AHDC1: variants seen among roughly 807,000 people sequenced by gnomAD.
The protein encoded by AHDC1 is AT-hook DNA binding motif containing 1.
Under a neutral mutation model 87.9 loss-of-function variants are expected in AHDC1, and 7 were observed. That is an observed-to-expected ratio of 0.08 (90% CI 0.05 to 0.15). The LOEUF (loss-of-function observed/expected upper bound fraction) is 0.15. AHDC1 is among the 10% of genes least tolerant of loss of function. The pLI is 1.00. For synonymous variants in AHDC1, 1,051 were observed against 1,006.8 expected (o/e 1.04, Z -0.83); for missense variants, 1,841 against 2,253.2 (o/e 0.82, Z 3.70).
chr1:27,549,196 A>C lies in AHDC1; in HGVS notation c.2920T>G (p.Tyr974Asp). ...ANTYLPQYGG[Y>D]GAGQSVFAPT... Reference sequence around the variant, plus strand: ...GCGAATACGCTTTGTCCGGCCCCATAGCCGCCGTACTGGGGCAGGTAGGTG... The same window carrying C: ...GCGAATACGCTTTGTCCGGCCCCATCGCCGCCGTACTGGGGCAGGTAGGTG... The change falls in exon 8 of 9, where the codon TAT becomes GAT. Residue 974 changes from tyrosine to aspartate, a missense_variant. Transcript: ENST00000673934. 6.3e-7 allele frequency: 1 copy of C among 1,594,656 alleles called. No individual in the cohort carries two copies. The highest frequency in any genetic ancestry group is 8.5e-7 in the Non-Finnish European group (1 of 1,170,200).
At chr1:27,580,052 T>A (rs1209455932) in intron 3 of AHDC1, among the ~76,000 whole-genome samples, 1 of 152,068 alleles carries the variant, frequency 6.6e-6, no homozygotes, top group Non-Finnish European at 1.5e-5. Flanking sequence ...CTCTCTGGGA[T>A]GGAAAGGGTG....
chr1:27,546,398 G>C (rs991383544), intron 8 of AHDC1, among the ~76,000 whole-genome samples: 2 of 152,198 alleles, frequency 1.3e-5, no homozygotes, highest in Admixed American at 1.3e-4. Flanking sequence ...TGAGGTCACA[G>C]TACCTGATAA....
chr1:27,571,980 G>A (rs1431510380), intron 3 of AHDC1, among the ~76,000 whole-genome samples: 4 of 152,072 alleles, frequency 2.6e-5, no homozygotes, highest in East Asian at 1.9e-4. Flanking sequence ...AGCCCACACC[G>A]AAATCCCTCC....
rs748078811 is a variant in AHDC1, at chr1:27,551,916, C to T, written c.200G>A (p.Arg67Gln). 6.4e-6 allele frequency: 10 copies of T among 1,566,332 alleles called. No individual in the cohort carries two copies. The highest frequency in any genetic ancestry group is 4.6e-5 in the East Asian group (2 of 43,698). Reference protein sequence around the residue: ...FSENPRPPPRRDPSTRRPPVL... With the variant: ...FSENPRPPPRQDPSTRRPPVL... Reference sequence around the variant, plus strand: ...TGGTGGGCGCCGGGTGCTGGGGTCCCGGCGTGGGGGTGGGCGTGGGTTCTC... The same window carrying T: ...TGGTGGGCGCCGGGTGCTGGGGTCCTGGCGTGGGGGTGGGCGTGGGTTCTC... The change falls in exon 8 of 9, where the codon CGG becomes CAG. Residue 67 changes from arginine to glutamine, a missense_variant. Physicochemically the swap from Arg to Gln is conservative, Grantham distance 43 (BLOSUM62 1). Transcript: ENST00000673934.
In AHDC1 at chr1:27,562,232, C is replaced by T. The variant is rs571197558; in HGVS notation, c.-628-3349G>A. Among the ~76,000 whole-genome samples, 1 of 152,022 alleles carries T rather than the reference C, an allele frequency of 6.6e-6. No individual in the cohort carries two copies. Among genetic ancestry groups the T allele is most frequent in the Non-Finnish European group, 1.5e-5 (1 of 67,960 alleles). On this transcript the variant is annotated intron_variant, in intron 3 of 8. Coordinates refer to ENST00000673934, the MANE Select transcript of AHDC1 (RefSeq NM_001371928.1). The surrounding 1 kb of genome is among the most constrained non-coding windows in gnomAD (Gnocchi z 4.4). ...GCTGGCTCGGCGGGGGCGGCCAGTG[C>T]GCCAAGCCTCCCGCCTCCTGACCCC...
rs1016291004 is a variant in AHDC1 at position 27,561,153 on chromosome 1, C to T, written c.-628-2270G>A. 1.3e-5 allele frequency among the ~76,000 whole-genome samples: 2 copies of T among 152,194 alleles called. No homozygotes were observed. The highest frequency in any genetic ancestry group is 2.4e-5 in the African/African-American group (1 of 41,440). ...TCCCAAGCCCTTGGGGAGCCCCCAC[C>T]TTTGCAGCTCCCCAGAGGCCCAGGA... On this transcript the variant is annotated intron_variant, in intron 3 of 8. Transcript: ENST00000673934. The surrounding 1 kb of genome is among the most constrained non-coding windows in gnomAD (Gnocchi z 4.2).
In AHDC1 at chr1:27,563,941, C is replaced by T. The variant is rs551316565; in HGVS notation, c.-628-5058G>A. On this transcript the variant is annotated intron_variant, in intron 3 of 8. Transcript: ENST00000673934. The surrounding 1 kb of genome is among the most constrained non-coding windows in gnomAD (Gnocchi z 6.1). ...TGGTGGAGGGAGGGCTGTCCTGAGG[C>T]GCTGTTACTATGAGACTGCTTAGAG... 1.1e-4 allele frequency among the ~76,000 whole-genome samples: 17 copies of T among 152,210 alleles called. No homozygotes were observed. The highest frequency in any genetic ancestry group is 9.2e-4 in the Admixed American group (14 of 15,296).
rs143951781 is a variant in AHDC1 at position 27,548,116 on chromosome 1, C to T, written c.4000G>A (p.Gly1334Ser). Residue 1334 changes from glycine to serine, a missense_variant, in exon 8 of 9, where the codon GGC (glycine) becomes AGC (serine). Physicochemically the swap from Gly to Ser is moderately conservative, Grantham distance 56. This residue lies in a region of AHDC1 where 505 missense variants were observed against 626.2 expected (regional missense o/e 0.81). Transcript: ENST00000673934. ...SPLPSQSRAF[G>S]VGERDPCDFI... ...TCACAGGGGTCTCGCTCTCCCACGC[C>T]GAAGGCCCTCGACTGTGAGGGCAGT... is the stretch of plus-strand genomic sequence containing the variant. 396 of 1,613,936 alleles carry T rather than the reference C, an allele frequency of 2.5e-4. No homozygotes were observed. The highest frequency in any genetic ancestry group is 1.3e-3 in the Middle Eastern group (8 of 6,062).
At chr1:27,585,783 C>T (rs1276015448) in intron 3 of AHDC1, among the ~76,000 whole-genome samples, 2 of 152,128 alleles carry the variant, frequency 1.3e-5, no homozygotes, top group African/African-American at 2.4e-5. Flanking sequence ...ACTTCCCCTC[C>T]CCTTCCTCCA....
chr1:27,555,980 G>A (rs1026868173), intron 5 of AHDC1, among the ~76,000 whole-genome samples: 2 of 152,088 alleles, frequency 1.3e-5, no homozygotes, highest in Non-Finnish European at 2.9e-5. Context: ...CATTCTCTTG[G>A]ACCCCTCCCA....
At chr1:27,555,672 G>A (rs548685674) in intron 5 of AHDC1, among the ~76,000 whole-genome samples, 5 of 152,310 alleles carry the variant, frequency 3.3e-5, no homozygotes, top group Non-Finnish European at 5.9e-5. Flanking sequence ...TGGTTGGGCC[G>A]TGGCTCCTGG....
intron 3 of AHDC1, among the ~76,000 whole-genome samples, chr1:27,567,673 C>A (rs555871524): frequency 6.6e-6 from 1 of 152,330 alleles, no homozygotes; most frequent in East Asian, 1.9e-4. Flanking sequence ...GAACCTCCCA[C>A]CTGCAAGCTA....
chr1:27,585,671 C>T (rs529397178), intron 3 of AHDC1, among the ~76,000 whole-genome samples: 2 of 152,132 alleles, frequency 1.3e-5, no homozygotes, highest in Non-Finnish European at 2.9e-5. Flanking sequence ...CCCCTTGTGG[C>T]AGGGACCCCC....
chr1:27,559,346 G>A (rs2019965358), intron 3 of AHDC1, among the ~76,000 whole-genome samples: 1 of 152,198 alleles, frequency 6.6e-6, no homozygotes, highest in Admixed American at 6.5e-5. Context: ...ATGAGCCACT[G>A]CACCAGCCAA....
At chr1:27,540,891 A>G (rs1466566525) in intron 8 of AHDC1, among the ~76,000 whole-genome samples, 3 of 151,538 alleles carry the variant, frequency 2.0e-5, no homozygotes, top group Non-Finnish European at 4.4e-5. Context: ...TGGAGAGGGA[A>G]GGAAGCAATC....
chr1:27,545,651 G>C lies in AHDC1; in HGVS notation c.*43+1610C>G, dbSNP rs534223635. 3.9e-5 allele frequency among the ~76,000 whole-genome samples: 6 copies of C among 151,948 alleles called. No homozygotes were observed. The South Asian group carries it at 1.2e-3, about 32-fold the overall frequency. Reference sequence around the variant, plus strand: ...AGCAGTTTCTCCCTGGCCTGCTTCAGATCTGAGGCTCTGCTGGTTGCAATG... The same window carrying C: ...AGCAGTTTCTCCCTGGCCTGCTTCACATCTGAGGCTCTGCTGGTTGCAATG... On this transcript the variant is annotated intron_variant, in intron 8 of 8. Coordinates refer to ENST00000673934, the MANE Select transcript of AHDC1 (RefSeq NM_001371928.1).
rs370437953 is a variant in AHDC1 at position 27,551,902 on chromosome 1, G to A, written c.214C>T (p.Arg72Trp). 11 of 1,593,236 alleles carry A rather than the reference G, an allele frequency of 6.9e-6. No homozygotes were observed. In the Admixed American group the frequency reaches 8.5e-5, roughly 12 times the overall value. The change falls in exon 8 of 9, where the codon CGG becomes TGG. Residue 72 changes from arginine to tryptophan, a missense_variant. Physicochemically the swap from Arg to Trp is moderately radical, Grantham distance 101. Transcript: ENST00000673934. ...RPPPRRDPSTRRPPVLAKGDD... is the reference protein window; with the variant it reads ...RPPPRRDPSTWRPPVLAKGDD... ...CCCTTGGCAAGGACTGGTGGGCGCC[G>A]GGTGCTGGGGTCCCGGCGTGGGGGT...
At chr1:27,576,403 A>G (rs749390583) in intron 3 of AHDC1, among the ~76,000 whole-genome samples, 1 of 152,164 alleles carries the variant, frequency 6.6e-6, no homozygotes. Flanking sequence ...CTGACCACCT[A>G]TTTGTGCCTA....
intron 8 of AHDC1, among the ~76,000 whole-genome samples, chr1:27,546,008 C>T (rs1251027132): frequency 6.6e-6 from 1 of 152,212 alleles, no homozygotes; most frequent in East Asian, 1.9e-4. Flanking sequence ...CAAGTTTCCA[C>T]TGACATGACT....
Sources: allele counts gnomAD v4.1 joint callset (sites outside exome capture counted in the v4.1 genomes callset), GRCh38; gene constraint gnomAD v4.1.1; regional missense constraint gnomAD v4.1.1; non-coding constraint Gnocchi (gnomAD v3.1); transcripts MANE v1.5; gene names NCBI Gene and HGNC (gene_info 2026-07-23, HGNC 2026-07-21).